Variants in TGFBRAP1 observed in about 807,000 individuals in gnomAD.
The protein encoded by TGFBRAP1 is transforming growth factor beta receptor associated protein 1, also known as transforming growth factor-beta receptor-associated protein 1.
TGFBRAP1 carries 20 observed loss-of-function variants against 83.2 expected under a neutral mutation model. The ratio of observed to expected loss-of-function variants is 0.24; its 90% CI spans 0.17 to 0.35. TGFBRAP1 has a LOEUF of 0.35. TGFBRAP1 is among the 10% of genes least tolerant of loss of function. The pLI, the probability that TGFBRAP1 is intolerant of heterozygous loss-of-function variation, is 1.00. For synonymous variants in TGFBRAP1, 415 were observed against 459.8 expected, an observed-to-expected ratio of 0.90 and a Z score of 1.25; for missense variants, 950 against 1,099.4, an observed-to-expected ratio of 0.86 and a Z score of 1.92.
chr2:105,315,074 AT>A (rs938506269), intron 1 of TGFBRAP1, among the ~76,000 whole-genome samples: 1 of 152,124 alleles, frequency 6.6e-6, no homozygotes. Context: ...TTATAGTTTA[AT>A]TTTTTTAAAA....
downstream of TGFBRAP1, among the ~76,000 whole-genome samples, chr2:105,261,710 C>T (rs985259418): frequency 6.6e-6 from 1 of 152,116 alleles, no homozygotes; most frequent in African/African-American, 2.4e-5. Context: ...CGAGATCACG[C>T]CACTGCACTC....
chr2:105,280,248 G>A (rs1677488979), intron 6 of TGFBRAP1, 134 bp downstream of exon 6: 2 of 885,438 alleles, frequency 2.3e-6, no homozygotes, highest in Non-Finnish European at 3.4e-6. Context: ...ATGATTTCGT[G>A]GCAGTCACCT....
rs750183351 is a variant in TGFBRAP1 at position 105,267,371 on chromosome 2, G to A, written c.*12C>T. On this transcript the variant is annotated 3_prime_UTR_variant, in exon 12 of 12. Transcript: ENST00000393359. ...AACTCGGAGTTCCCCTCGCACCCTTGGGCCAAGCTTTTCAAGTCCGAGTGC... is the reference window on the plus strand; with the variant it reads ...AACTCGGAGTTCCCCTCGCACCCTTAGGCCAAGCTTTTCAAGTCCGAGTGC... The A allele has an allele frequency of 1.9e-6, 3 of 1,613,964 alleles. No homozygotes were observed. In the South Asian group the frequency reaches 3.3e-5, roughly 18 times the overall value.
Position 105,275,554 on chromosome 2 carries a change from A to G in TGFBRAP1, c.1665+6T>C. 6.2e-7 allele frequency: 1 copy of G among 1,613,690 alleles called. No homozygotes were observed. Among genetic ancestry groups the G allele is most frequent in the Non-Finnish European group, 8.5e-7 (1 of 1,179,908 alleles). On this transcript the variant is annotated splice_donor_region_variant and intron_variant, in intron 8 of 11. Coordinates refer to ENST00000393359, the MANE Select transcript of TGFBRAP1 (RefSeq NM_004257.6). ...CAAAGAGAATGCATTTTTACGAAGCACAAACCTCTTCACTTTTCTGCAGGA... is the reference window on the plus strand; with the variant it reads ...CAAAGAGAATGCATTTTTACGAAGCGCAAACCTCTTCACTTTTCTGCAGGA...
the TGFBRAP1 span, among the ~76,000 whole-genome samples, chr2:105,257,735 A>T: frequency 1.3e-5 from 2 of 152,208 alleles, no homozygotes; most frequent in Non-Finnish European, 2.9e-5. Context: ...ATATCAACAT[A>T]AAAAATATAA....
intron 8 of TGFBRAP1, 79 bp from the exon 9 acceptor site, chr2:105,273,769 T>C (rs1677241080): frequency 6.5e-7 from 1 of 1,526,724 alleles, no homozygotes; most frequent in Admixed American, 2.1e-5. Context: ...CATTGCACAT[T>C]CAAGCTTTGG....
At chr2:105,326,150 T>C (rs1029315916) in intron 1 of TGFBRAP1, among the ~76,000 whole-genome samples, 1 of 152,130 alleles carries the variant, frequency 6.6e-6, no homozygotes, top group African/African-American at 2.4e-5. Flanking sequence ...GCAATACTAA[T>C]CAAAATTATT....
chr2:105,289,238 T>G (rs1252903941), intron 4 of TGFBRAP1, among the ~76,000 whole-genome samples: 8 of 151,808 alleles, frequency 5.3e-5, no homozygotes, highest in African/African-American at 1.9e-4. Flanking sequence ...TTGGGAAGGA[T>G]ATACACAAAA....
chr2:105,327,920 G>T (rs548824853), intron 1 of TGFBRAP1, among the ~76,000 whole-genome samples: 3 of 152,286 alleles, frequency 2.0e-5, no homozygotes, highest in Non-Finnish European at 4.4e-5. Context: ...TTGGAATTCA[G>T]AACCCACAAG....
At chr2:105,302,400 T>TA (rs1271893275) in intron 2 of TGFBRAP1, among the ~76,000 whole-genome samples, 2 of 152,164 alleles carry the variant, frequency 1.3e-5, no homozygotes, top group Middle Eastern at 3.4e-3. Flanking sequence ...CAGGAATAGC[T>TA]AAAGACTGAA....
intron 1 of TGFBRAP1, among the ~76,000 whole-genome samples, chr2:105,329,237 C>A (rs1255265586): frequency 6.6e-6 from 1 of 152,022 alleles, no homozygotes; most frequent in Admixed American, 6.6e-5. Context: ...CCCGGAAAAC[C>A]CAAATCAAGG....
At chr2:105,320,350 A>G (rs1395113901) in intron 1 of TGFBRAP1, among the ~76,000 whole-genome samples, 1 of 152,238 alleles carries the variant, frequency 6.6e-6, no homozygotes, top group Non-Finnish European at 1.5e-5. Flanking sequence ...TAAAAAGGAC[A>G]CACTACCTCA....
At chr2:105,292,350 T>C (rs764249224) in intron 4 of TGFBRAP1, among the ~76,000 whole-genome samples, 9 of 152,180 alleles carry the variant, frequency 5.9e-5, no homozygotes, top group Non-Finnish European at 1.3e-4. Flanking sequence ...CAGCTGGGAA[T>C]TGAGGGCTAT....
the TGFBRAP1 span, among the ~76,000 whole-genome samples, chr2:105,256,525 C>T: frequency 0.18 from 27,996 of 152,124 alleles, 2,645 homozygotes; most frequent in Middle Eastern, 0.3. Flanking sequence ...ACAATGTAAA[C>T]GTCTAAAGAG....
At chr2:105,281,709 C>A (rs2104338668) in intron 5 of TGFBRAP1, among the ~76,000 whole-genome samples, 1 of 152,312 alleles carries the variant, frequency 6.6e-6, no homozygotes, top group South Asian at 2.1e-4. Context: ...CCTCCCACAC[C>A]CCAACACTTC....
intron 10 of TGFBRAP1, among the ~76,000 whole-genome samples, chr2:105,270,584 G>A (rs1430580152): frequency 6.6e-6 from 1 of 152,218 alleles, no homozygotes; most frequent in Non-Finnish European, 1.5e-5. Flanking sequence ...CTAGTTTAGG[G>A]TCAAGACTAA....
intron 1 of TGFBRAP1, among the ~76,000 whole-genome samples, chr2:105,313,974 A>G (rs1033294692): frequency 5.3e-5 from 8 of 152,208 alleles, no homozygotes; most frequent in African/African-American, 1.9e-4. Flanking sequence ...CCTAACCCCC[A>G]GTACCCATGA....
chr2:105,282,831 G>GAAA (rs11288685), intron 5 of TGFBRAP1, among the ~76,000 whole-genome samples: 2 of 133,000 alleles, frequency 1.5e-5, no homozygotes. Context: ...GCTTCAAAAC[G>GAAA]AAAAAAAAAA....
chr2:105,327,483 C>G (rs751867356), intron 1 of TGFBRAP1, among the ~76,000 whole-genome samples: 7 of 151,854 alleles, frequency 4.6e-5, no homozygotes, highest in African/African-American at 9.7e-5. Flanking sequence ...TGGGAGGATC[C>G]CTTGAGTCTG....
Sources: allele counts gnomAD v4.1 joint callset (sites outside exome capture counted in the v4.1 genomes callset), GRCh38; gene constraint gnomAD v4.1.1; transcripts MANE v1.5; gene names NCBI Gene and HGNC (gene_info 2026-07-23, HGNC 2026-07-21).